VRK2: variants seen among roughly 807,000 people sequenced by gnomAD.
The protein encoded by VRK2 is VRK serine/threonine kinase 2, also known as serine/threonine-protein kinase VRK2.
In VRK2, 60 loss-of-function variants were observed where a neutral mutation model predicts 57.6. The observed-to-expected ratio is 1.04, with a 90% CI of 0.85 to 1.29. The LOEUF (loss-of-function observed/expected upper bound fraction) is 1.29. Ranked by LOEUF, VRK2 falls within the 50% of genes most tolerant of loss-of-function variation. VRK2 has a pLI of 0.00. For synonymous variants in VRK2, 231 were observed against 199.2 expected (o/e 1.16, Z -1.35); for missense variants, 705 against 588.1 (o/e 1.20, Z -2.06).
intron 3 of VRK2, among the ~76,000 whole-genome samples, chr2:58,035,874 G>C (rs1281336425): frequency 6.6e-6 from 1 of 151,976 alleles, no homozygotes; most frequent in African/African-American, 2.4e-5. Context: ...TATAAAATGA[G>C]ATTACTATGT....
chr2:57,956,693 A>G (rs1276486388), intron 1 of VRK2, among the ~76,000 whole-genome samples: 1 of 152,208 alleles, frequency 6.6e-6, no homozygotes, highest in African/African-American at 2.4e-5. Flanking sequence ...AGCATGGATT[A>G]TTTATGCCTT....
At chr2:57,950,544 C>A (rs1057350659) in intron 1 of VRK2, among the ~76,000 whole-genome samples, 1 of 152,196 alleles carries the variant, frequency 6.6e-6, no homozygotes, top group Non-Finnish European at 1.5e-5. Context: ...AATATTACTG[C>A]TCGTTGACAA....
intron 1 of VRK2, among the ~76,000 whole-genome samples, chr2:57,944,839 A>T (rs1671212340): frequency 6.6e-6 from 1 of 151,842 alleles, no homozygotes; most frequent in African/African-American, 2.4e-5. Flanking sequence ...TTTCAAGAAG[A>T]TGAAGAAAGA....
chr2:58,047,077 G>T, intron 1 of VRK2: 1 of 712,592 alleles, frequency 1.4e-6, no homozygotes, highest in Non-Finnish European at 1.7e-6. Flanking sequence ...AGAACAAGGC[G>T]TCCCCTTCTA....
chr2:58,118,765 A>AAC (rs1373018780), intron 7 of VRK2, among the ~76,000 whole-genome samples: 97 of 152,240 alleles, frequency 6.4e-4, no homozygotes, highest in African/African-American at 2.2e-3. Flanking sequence ...TGTTTATTTC[A>AAC]CCTGGGTGCA....
chr2:58,045,504 G>C (rs376794442), upstream of VRK2, among the ~76,000 whole-genome samples: 21 of 152,194 alleles, frequency 1.4e-4, 2 homozygotes, highest in Admixed American at 1.3e-3. Context: ...CTGTAATTAT[G>C]CATCTGTTAT....
intron 1 of VRK2, among the ~76,000 whole-genome samples, chr2:57,955,934 G>A (rs532614771): frequency 6.6e-6 from 1 of 152,042 alleles, no homozygotes; most frequent in Admixed American, 6.6e-5. Context: ...TATAAATAAG[G>A]GTTAACAAAC....
chr2:57,977,516 A>AATATATCTGCTAAAATTCAGTTGT, intron 1 of VRK2, among the ~76,000 whole-genome samples: 1 of 151,406 alleles, frequency 6.6e-6, no homozygotes, highest in African/African-American at 2.4e-5. Flanking sequence ...TTTGGCTTGC[A>AATATATCTGCTAAAATTCAGTTGT]GGTTGGACAT....
chr2:57,911,425 T>C (rs1222134961), intron 1 of VRK2, among the ~76,000 whole-genome samples: 1 of 152,178 alleles, frequency 6.6e-6, no homozygotes, highest in Non-Finnish European at 1.5e-5. Context: ...ACAATATAGA[T>C]AACACAGACA....
rs369008157 is a variant in VRK2, at chr2:58,146,446, T to C, written c.1154T>C (p.Ile385Thr). 119 of 1,610,952 alleles carry C rather than the reference T, an allele frequency of 7.4e-5. No homozygotes were observed. The East Asian group carries it at 2.3e-3, about 32-fold the overall frequency. ...TWKVQKEEKL[I>T]GLMNNEAAQE... The stretch of plus-strand genomic sequence containing the variant: ...AAAGTGCAGAAAGAGGAGAAACTGA[T>C]TGGATTGATGAACAATGAAGCAGCT... Residue 385 changes from isoleucine to threonine, a missense_variant, in exon 12 of 13, where the codon ATT becomes ACT. Coordinates refer to ENST00000340157, the MANE Select transcript of VRK2 (RefSeq NM_006296.7).
chr2:58,118,271 G>T (rs1676840126), intron 7 of VRK2, among the ~76,000 whole-genome samples: 1 of 152,360 alleles, frequency 6.6e-6, no homozygotes, highest in Admixed American at 6.5e-5. Flanking sequence ...ACCAAGGCAG[G>T]TGTCCCTGCG....
chr2:57,995,456 G>C lies in VRK2; in HGVS notation c.-438-30209G>C, dbSNP rs577820929. 2.0e-4 allele frequency among the ~76,000 whole-genome samples: 30 copies of C among 152,210 alleles called. No individual in the cohort carries two copies. In the South Asian group the frequency reaches 5.8e-3, roughly 29 times the overall value. On this transcript the variant is annotated intron_variant, in intron 1 of 15. Coordinates refer to the VRK2 transcript ENST00000417641. Reference sequence around the variant, plus strand: ...TTATTGGCAACAAATACTGTGAGTTGTTTTCCTTGAAGCAATAGTTTCATT... The same window carrying C: ...TTATTGGCAACAAATACTGTGAGTTCTTTTCCTTGAAGCAATAGTTTCATT...
At chr2:58,116,673 C>G (rs1676551120) in intron 7 of VRK2, among the ~76,000 whole-genome samples, 1 of 152,208 alleles carries the variant, frequency 6.6e-6, no homozygotes, top group Non-Finnish European at 1.5e-5. Context: ...GGCAATCAGA[C>G]AGCATCAGTC....
chr2:58,004,059 G>C (rs1378185105), intron 1 of VRK2, among the ~76,000 whole-genome samples: 1 of 151,940 alleles, frequency 6.6e-6, no homozygotes, highest in African/African-American at 2.4e-5. Context: ...AATAGTTTTT[G>C]ACTCTTTCTC....
intron 2 of VRK2, among the ~76,000 whole-genome samples, chr2:58,076,760 C>A (rs1312978778): frequency 2.0e-5 from 3 of 151,710 alleles, no homozygotes; most frequent in East Asian, 3.9e-4. Flanking sequence ...CCAGTACTCG[C>A]ACAATTTTGT....
chr2:58,084,087 A>G lies in VRK2; in HGVS notation c.137-2A>G. 2 of 1,604,980 alleles carry G rather than the reference A, an allele frequency of 1.2e-6. No homozygotes were observed. The highest frequency in any genetic ancestry group is 1.7e-6 in the Non-Finnish European group (2 of 1,174,750). ...TCCATTGTGTGTTTTTTTTGTCTGC[A>G]GCTTTCCCCACAAATAAACCAGAGA... On this transcript the variant is annotated splice_acceptor_variant, in intron 2 of 12. Transcript: ENST00000340157. LOFTEE classifies it high-confidence loss of function.
intron 7 of VRK2, 42 bp downstream of exon 7, chr2:58,089,765 T>C (rs1672114618): frequency 2.2e-6 from 3 of 1,356,376 alleles, no homozygotes; most frequent in Non-Finnish European, 3.1e-6. Context: ...CTTTAATGTA[T>C]GAAACTGAAA....
At chr2:57,958,212 G>C (rs949985201) in intron 1 of VRK2, among the ~76,000 whole-genome samples, 2 of 152,108 alleles carry the variant, frequency 1.3e-5, no homozygotes, top group African/African-American at 4.8e-5. Flanking sequence ...CTTTGAATTT[G>C]TGACTCTAAT....
chr2:58,041,078 A>G lies in VRK2; in HGVS notation c.-6+7525A>G, dbSNP rs547603280. 95 of 980,538 alleles carry G rather than the reference A, an allele frequency of 9.7e-5. No homozygotes were observed. The East Asian group carries it at 1.5e-3, about 15-fold the overall frequency. 60.7% of individuals were successfully genotyped at this position (980,538 alleles called of 1,614,324 possible). ...ACTGCAGGGATGTTAACTGGGGGGG[A>G]AAAAGGATGTAGAGTGTAAATATAG... On this transcript the variant is annotated intron_variant, in intron 3 of 15. Transcript: ENST00000417641.
Sources: gnomAD v4.1 joint callset for allele counts (sites outside exome capture counted in the v4.1 genomes callset) on GRCh38, gnomAD v4.1.1 for gene constraint, MANE v1.5 for transcripts, NCBI Gene and HGNC (gene_info 2026-07-23, HGNC 2026-07-21) for gene names.